FGD6: variants seen among roughly 807,000 people sequenced by gnomAD.
FGD6 encodes FYVE, RhoGEF and PH domain containing 6.
In FGD6, 90 loss-of-function variants were observed where a neutral mutation model predicts 149.4. The ratio of observed to expected loss-of-function variants is 0.60; its 90% CI spans 0.51 to 0.72. The LOEUF is 0.72. Ranked by LOEUF, FGD6 falls within the 30% of genes least tolerant of loss-of-function variation. The probability of loss-of-function intolerance (pLI) is 0.00; values close to 1 mark genes in which losing one functional copy is unlikely to be tolerated. For missense variants in FGD6, 1,437 were observed against 1,684.8 expected, an observed-to-expected ratio of 0.85 and a Z score of 2.57; for synonymous variants, 527 against 584.0, an observed-to-expected ratio of 0.90 and a Z score of 1.41.
chr12:95,080,699 TG>T lies in FGD6; in HGVS notation c.*820del, dbSNP rs1877646037. 6.6e-6 allele frequency: 1 copy of T among 152,208 alleles called. No homozygotes were observed. Among genetic ancestry groups the T allele is most frequent in the Non-Finnish European group, 1.5e-5 (1 of 68,036 alleles). The allele number at this position is 152,208 out of a possible 1,614,324, so 9.4% of individuals were successfully genotyped here. A position where few individuals can be genotyped will look rare whatever the true frequency, so the allele number is the denominator to read the frequency against. On this transcript the variant is annotated 3_prime_UTR_variant, in exon 21 of 21. Coordinates refer to ENST00000343958, the MANE Select transcript of FGD6 (RefSeq NM_018351.4). ...TCTTATAATAGCAGGGAATATTATG[TG>T]ACATAATGCTTGCTATATTTTGCTA...
At chr12:95,216,389 A>G (rs370058752) in intron 1 of FGD6, among the ~76,000 whole-genome samples, 1 of 152,198 alleles carries the variant, frequency 6.6e-6, no homozygotes, top group Admixed American at 6.5e-5. Flanking sequence ...AAAATAACCC[A>G]TAACACTCTA....
intron 2 of FGD6, among the ~76,000 whole-genome samples, chr12:95,183,591 C>A (rs1310448183): frequency 1.3e-5 from 2 of 152,142 alleles, no homozygotes; most frequent in Admixed American, 6.5e-5. Flanking sequence ...TGGTTCCCAG[C>A]AATTTAGGAG....
intron 2 of FGD6, among the ~76,000 whole-genome samples, chr12:95,182,873 TCA>T (rs1881324730): frequency 1.3e-5 from 2 of 152,236 alleles, no homozygotes; most frequent in African/African-American, 4.8e-5. Flanking sequence ...AAAAAACAGC[TCA>T]TCCTTTGACT....
intron 2 of FGD6, among the ~76,000 whole-genome samples, chr12:95,178,041 C>T (rs1057019747): frequency 6.6e-6 from 1 of 151,932 alleles, no homozygotes; most frequent in African/African-American, 2.4e-5. Context: ...GCTGGGATGA[C>T]AGCATGAGCC....
At chr12:95,197,583 CT>C (rs1460504762) in intron 2 of FGD6, among the ~76,000 whole-genome samples, 4 of 152,082 alleles carry the variant, frequency 2.6e-5, no homozygotes, top group Admixed American at 1.3e-4. Flanking sequence ...TATTTTTTCC[CT>C]AAGTTAATAA....
At chr12:95,105,445 C>T (rs989970660) in intron 13 of FGD6, among the ~76,000 whole-genome samples, 13 of 152,190 alleles carry the variant, frequency 8.5e-5, no homozygotes, top group African/African-American at 2.4e-4. Flanking sequence ...CCACCATGAC[C>T]ATCAAACACT....
intron 8 of FGD6, among the ~76,000 whole-genome samples, chr12:95,131,509 G>A (rs1470589161): frequency 1.3e-5 from 2 of 152,038 alleles, no homozygotes; most frequent in African/African-American, 2.4e-5. Flanking sequence ...CTAAATTATA[G>A]ATATAAGACA....
intron 2 of FGD6, among the ~76,000 whole-genome samples, chr12:95,195,908 G>A (rs1031734665): frequency 4.0e-5 from 6 of 151,466 alleles, no homozygotes; most frequent in South Asian, 4.2e-4. Flanking sequence ...AAGTAAAACC[G>A]GGGGAATCTA....
Position 95,084,533 on chromosome 12 carries a change from A to G in FGD6, c.4221T>C (p.Tyr1407=). 6.2e-7 allele frequency: 1 copy of G among 1,600,608 alleles called. No homozygotes were observed. The highest frequency in any genetic ancestry group is 8.5e-7 in the Non-Finnish European group (1 of 1,175,954). ...AATGAGCATCCTCTGCTTTGAATAC[A>G]TAAAATAACATGTTTTTGTGCAGTA... The part of the protein sequence containing the change: ...FQLLHKNMLF[Y]VFKAEDAHSA... Residue 1407 remains tyrosine, a synonymous_variant, in exon 20 of 21, where the codon TAT becomes TAC. Coordinates refer to ENST00000343958, the MANE Select transcript of FGD6 (RefSeq NM_018351.4).
intron 5 of FGD6, among the ~76,000 whole-genome samples, chr12:95,147,562 T>C (rs1471207725): frequency 1.3e-5 from 2 of 152,150 alleles, no homozygotes; most frequent in Non-Finnish European, 2.9e-5. Flanking sequence ...AGCAAGCTAA[T>C]ATATCCAAAG....
rs1879330692 is a variant in FGD6, at chr12:95,126,108, A to G, written c.3082+8631T>C. ...TCATTTTAAAGTTATGAAGGCAAAGAAAATGAGGGACAGAATAATCAAGAA... is the reference window on the plus strand; with the variant it reads ...TCATTTTAAAGTTATGAAGGCAAAGGAAATGAGGGACAGAATAATCAAGAA... On this transcript the variant is annotated intron_variant, in intron 8 of 20. Coordinates refer to ENST00000343958, the MANE Select transcript of FGD6 (RefSeq NM_018351.4). 3.8e-6 allele frequency: 4 copies of G among 1,056,034 alleles called. No homozygotes were observed. The Admixed American group carries it at 6.8e-5, about 18-fold the overall frequency. 65.4% of individuals were successfully genotyped at this position (1,056,034 alleles called of 1,614,324 possible). A position where few individuals can be genotyped will look rare whatever the true frequency, so the allele number is the denominator to read the frequency against.
At chr12:95,189,799 T>C (rs1339560529) in intron 2 of FGD6, among the ~76,000 whole-genome samples, 1 of 152,166 alleles carries the variant, frequency 6.6e-6, no homozygotes, top group Non-Finnish European at 1.5e-5. Context: ...CTAGAGCTAA[T>C]ATATTTGCTT....
intron 3 of FGD6, among the ~76,000 whole-genome samples, chr12:95,153,336 CAGA>C (rs1181328751): frequency 1.3e-5 from 2 of 152,148 alleles, no homozygotes; most frequent in African/African-American, 2.4e-5. Context: ...AGATAGATAC[CAGA>C]AGAAGACTCC....
In FGD6 at chr12:95,094,601, A is replaced by G; in HGVS notation, c.3591T>C (p.Ser1197=). The G allele has an allele frequency of 1.2e-6, 2 of 1,603,822 alleles. No homozygotes were observed. The highest frequency in any genetic ancestry group is 1.7e-6 in the Non-Finnish European group (2 of 1,176,422). Residue 1197 remains serine, a synonymous_variant, in exon 15 of 21, where the codon AGT becomes AGC. Coordinates refer to ENST00000343958, the MANE Select transcript of FGD6 (RefSeq NM_018351.4). ...KKRITFCPSR[S]LDEADSENKE... The stretch of plus-strand genomic sequence containing the variant: ...AAGGAGAAAACAATACCTCATCAAG[A>G]CTCCTACTAGGACAGAAGGTGATTC...
chr12:95,210,578 G>C lies in FGD6; in HGVS notation c.706C>G (p.Pro236Ala), dbSNP rs765778702. The C allele has an allele frequency of 1.9e-6, 3 of 1,614,166 alleles. No homozygotes were observed. The highest frequency in any genetic ancestry group is 1.1e-5 in the South Asian group (1 of 91,082). ...SPSPSSFEKV[P>A]DHHSCHLQLP... ...TGTAAGTGGCAACTGTGATGATCAG[G>C]AACTTTTTCAAAGCTGGATGGGGAA... The change falls in exon 2 of 21, where the codon CCT becomes GCT. Residue 236 changes from proline (P) to alanine (A), a missense_variant. Transcript: ENST00000343958.
chr12:95,164,912 C>T (rs542947914), intron 3 of FGD6, among the ~76,000 whole-genome samples: 8 of 152,006 alleles, frequency 5.3e-5, no homozygotes, highest in African/African-American at 1.9e-4. Context: ...AGGTTTTCGC[C>T]CTTTCTTTAT....
chr12:95,092,242 T>C (rs941861490), intron 16 of FGD6, among the ~76,000 whole-genome samples: 2 of 152,160 alleles, frequency 1.3e-5, no homozygotes, highest in African/African-American at 4.8e-5. Context: ...CTCATTTAAT[T>C]TTTAGAGTGA....
chr12:95,186,833 G>A (rs1881450160), intron 2 of FGD6, among the ~76,000 whole-genome samples: 1 of 152,176 alleles, frequency 6.6e-6, no homozygotes, highest in South Asian at 2.1e-4. Flanking sequence ...ATACTAAGTA[G>A]GTGAAATTGA....
chr12:95,114,493 CGT>C (rs1878946045), intron 8 of FGD6, among the ~76,000 whole-genome samples: 1 of 142,924 alleles, frequency 7.0e-6, no homozygotes, highest in Non-Finnish European at 1.5e-5. Flanking sequence ...CACACACACA[CGT>C]CAGACGTGCT....
Sources: allele counts gnomAD v4.1 joint callset (sites outside exome capture counted in the v4.1 genomes callset), GRCh38; gene constraint gnomAD v4.1.1; transcripts MANE v1.5; gene names NCBI Gene and HGNC (gene_info 2026-07-23, HGNC 2026-07-21).